DUSP16: variants seen among roughly 807,000 people sequenced by gnomAD.
DUSP16 encodes the protein dual specificity protein phosphatase 16.
Under a neutral mutation model 58.3 loss-of-function variants are expected in DUSP16, and 21 were observed. The ratio of observed to expected loss-of-function variants is 0.36; its 90% CI spans 0.26 to 0.52. DUSP16 has a LOEUF of 0.52. Ranked by LOEUF, DUSP16 falls within the 20% of genes least tolerant of loss-of-function variation. DUSP16 has a pLI of 0.94. For missense variants in DUSP16, 726 were observed against 819.0 expected (o/e 0.89, Z 1.39); for synonymous variants, 320 against 323.8 (o/e 0.99, Z 0.12).
intron 4 of DUSP16, among the ~76,000 whole-genome samples, chr12:12,490,807 A>C (rs1943751244): frequency 6.6e-6 from 1 of 152,232 alleles, no homozygotes; most frequent in South Asian, 2.1e-4. Flanking sequence ...CTAATTTGAC[A>C]AACATATATA....
At chr12:12,539,751 T>TTA (rs375354319) in intron 1 of DUSP16, among the ~76,000 whole-genome samples, 2 of 139,526 alleles carry the variant, frequency 1.4e-5, no homozygotes, top group South Asian at 2.3e-4. Flanking sequence ...AGCAGTTATT[T>TTA]AAAAAAAAAA....
chr12:12,561,518 A>C (rs1396226254), intron 1 of DUSP16, among the ~76,000 whole-genome samples: 1 of 152,236 alleles, frequency 6.6e-6, no homozygotes, highest in South Asian at 2.1e-4. Context: ...GTGTAAATAA[A>C]GAAGTCACTA....
At chr12:12,536,832 G>A (rs980178531) in intron 1 of DUSP16, among the ~76,000 whole-genome samples, 6 of 151,994 alleles carry the variant, frequency 3.9e-5, no homozygotes, top group Non-Finnish European at 7.4e-5. Flanking sequence ...GAGGTCGGGA[G>A]TTCGAGACCA....
rs760515668 is a variant in DUSP16, at chr12:12,477,595, G to T, written c.1236C>A (p.Ser412Arg). The T allele has an allele frequency of 3.7e-6, 6 of 1,614,096 alleles. No homozygotes were observed. The highest frequency in any genetic ancestry group is 5.1e-6 in the Non-Finnish European group (6 of 1,180,034). ...AGAAGCCATGTAAGGATGCTGCCAT[G>T]CTGGCTGAATATGAAACTGATTTGA... ...LDIKSVSYSA[S>R]MAASLHGFSS... Residue 412 changes from serine (S) to arginine (R), a missense_variant, in exon 7 of 7, where the codon AGC becomes AGA. By Grantham distance (110) the Ser-to-Arg change is moderately radical. Transcript: ENST00000298573. The surrounding 1 kb of genome is among the most constrained non-coding windows in gnomAD (Gnocchi z 4.1).
chr12:12,487,758 G>GAAACT (rs139115104), intron 4 of DUSP16, among the ~76,000 whole-genome samples: 9,669 of 152,116 alleles, frequency 0.064, 428 homozygotes, highest in East Asian at 0.18. Context: ...CAAAATGTCA[G>GAAACT]AAACTAAACA....
Position 12,521,438 on chromosome 12 carries a change from C to A in DUSP16, c.-340G>T. 1 of 1,152,806 alleles carries A rather than the reference C, an allele frequency of 8.7e-7. No homozygotes were observed. Among genetic ancestry groups the A allele is most frequent in the Non-Finnish European group, 1.1e-6 (1 of 930,058 alleles). The allele number at this position is 1,152,806 out of a possible 1,614,324, so 71.4% of individuals were successfully genotyped here. ...ATTCTTTACCTTTGCTCCCGCGCTC[C>A]AACAGCTTTACACTGGACTGAAAGC... On this transcript the variant is annotated 5_prime_UTR_variant, in exon 2 of 7. Transcript: ENST00000298573.
At chr12:12,507,055 A>T (rs976649443) in intron 3 of DUSP16, among the ~76,000 whole-genome samples, 4 of 152,138 alleles carry the variant, frequency 2.6e-5, no homozygotes, top group Admixed American at 2.6e-4. Flanking sequence ...GGGGGGGAAA[A>T]ATCTGCCAAG....
chr12:12,557,208 C>G (rs1388956606), intron 1 of DUSP16, among the ~76,000 whole-genome samples: 1 of 152,080 alleles, frequency 6.6e-6, no homozygotes, highest in Non-Finnish European at 1.5e-5. Context: ...GTAATCCCAG[C>G]ACTTTGGGAG....
chr12:12,539,036 A>G (rs1944511041), intron 1 of DUSP16, among the ~76,000 whole-genome samples: 1 of 152,146 alleles, frequency 6.6e-6, no homozygotes, highest in Non-Finnish European at 1.5e-5. Context: ...AGAATGATAA[A>G]TCAGAATCTC....
At chr12:12,498,683 A>G (rs1943867918) in intron 4 of DUSP16, among the ~76,000 whole-genome samples, 1 of 152,160 alleles carries the variant, frequency 6.6e-6, no homozygotes, top group African/African-American at 2.4e-5. Context: ...CCAAGGTGCT[A>G]GGATTCCAAA....
intron 1 of DUSP16, among the ~76,000 whole-genome samples, chr12:12,557,871 T>C (rs1404925838): frequency 6.6e-6 from 1 of 152,236 alleles, no homozygotes; most frequent in Non-Finnish European, 1.5e-5. Context: ...AGGATCAGCA[T>C]AAATTTGCTG....
intron 1 of DUSP16, among the ~76,000 whole-genome samples, chr12:12,552,218 A>G (rs34936353): frequency 6.6e-6 from 1 of 151,840 alleles, no homozygotes; most frequent in African/African-American, 2.4e-5. Flanking sequence ...GGCCGAGGCA[A>G]GCGGATCACT....
At chr12:12,536,601 C>T (rs777289651) in intron 1 of DUSP16, among the ~76,000 whole-genome samples, 3 of 152,028 alleles carry the variant, frequency 2.0e-5, no homozygotes, top group African/African-American at 4.8e-5. Context: ...AAAAATTAGC[C>T]GGACATGGTG....
chr12:12,493,093 T>G (rs1476861406), intron 4 of DUSP16, among the ~76,000 whole-genome samples: 1 of 152,138 alleles, frequency 6.6e-6, no homozygotes, highest in Non-Finnish European at 1.5e-5. Flanking sequence ...CCCACCTTTA[T>G]ACCTCCTCCT....
intron 3 of DUSP16, among the ~76,000 whole-genome samples, chr12:12,506,795 A>C (rs1944004082): frequency 6.6e-6 from 1 of 152,254 alleles, no homozygotes; most frequent in Admixed American, 6.5e-5. Flanking sequence ...GCCAGACCGC[A>C]ATGCTAAAAC....
chr12:12,480,387 T>G lies in DUSP16; in HGVS notation c.692-41A>C, dbSNP rs571936505. 2.5e-6 allele frequency: 4 copies of G among 1,595,044 alleles called. No individual in the cohort carries two copies. In the East Asian group the frequency reaches 9.0e-5, roughly 36 times the overall value. On this transcript the variant is annotated intron_variant, in intron 5 of 6. Coordinates refer to ENST00000298573, the MANE Select transcript of DUSP16 (RefSeq NM_030640.3). ...GCAAGAAAGGTCACTACTAACTATT[T>G]TGTTCAGCAGTGAAATCTTGTTTCC...
chr12:12,558,837 G>A (rs1592218977), intron 1 of DUSP16, among the ~76,000 whole-genome samples: 1 of 152,018 alleles, frequency 6.6e-6, no homozygotes, highest in Non-Finnish European at 1.5e-5. Context: ...TCCTTTCATG[G>A]CAAGATGTAT....
chr12:12,514,451 T>C (rs763729684), intron 3 of DUSP16, among the ~76,000 whole-genome samples: 1 of 152,212 alleles, frequency 6.6e-6, no homozygotes, highest in Non-Finnish European at 1.5e-5. Flanking sequence ...CTCCTGCTCT[T>C]TTCTGATCCT....
chr12:12,559,947 A>G (rs1031339458), intron 1 of DUSP16, among the ~76,000 whole-genome samples: 2 of 152,162 alleles, frequency 1.3e-5, no homozygotes, highest in African/African-American at 4.8e-5. Context: ...CCGGGGTAAC[A>G]GTGTCTCCTC....
Sources: allele counts gnomAD v4.1 joint callset (sites outside exome capture counted in the v4.1 genomes callset), GRCh38; gene constraint gnomAD v4.1.1; non-coding constraint Gnocchi (gnomAD v3.1); transcripts MANE v1.5; gene names NCBI Gene and HGNC (gene_info 2026-07-23, HGNC 2026-07-21).